The following PLPP1 variants were observed in gnomAD, a reference collection of about 807,000 sequenced individuals.
PLPP1 encodes phospholipid phosphatase 1, also known as lipid phosphate phosphohydrolase 1a.
PLPP1 carries 24 observed loss-of-function variants against 31.2 expected under a neutral mutation model. The observed-to-expected ratio is 0.77, with a 90% CI of 0.56 to 1.08. The LOEUF is 1.08. Among genes scored for constraint, PLPP1 ranks in the 50% least tolerant of loss-of-function variants. The probability of loss-of-function intolerance (pLI) is 0.00; values close to 1 mark genes in which losing one functional copy is unlikely to be tolerated. For synonymous variants in PLPP1, 146 were observed against 126.3 expected (o/e 1.16, Z -1.05); for missense variants, 319 against 342.7 (o/e 0.93, Z 0.55).
chr5:55,505,727 C>G (rs1753259858), intron 1 of PLPP1, among the ~76,000 whole-genome samples: 1 of 152,174 alleles, frequency 6.6e-6, no homozygotes, highest in Non-Finnish European at 1.5e-5. Context: ...TAAAATACCA[C>G]ATGAAAATTG....
chr5:55,523,836 C>T (rs1187865976), intron 1 of PLPP1, among the ~76,000 whole-genome samples: 1 of 152,140 alleles, frequency 6.6e-6, no homozygotes, highest in Non-Finnish European at 1.5e-5. Context: ...ATCTCAAGTC[C>T]AATACCTCTC....
chr5:55,503,064 A>G (rs1334114937), intron 1 of PLPP1, among the ~76,000 whole-genome samples: 1 of 152,194 alleles, frequency 6.6e-6, no homozygotes, highest in Non-Finnish European at 1.5e-5. Context: ...CTAACCCAAC[A>G]GTGTCTTCTT....
chr5:55,534,564 G>GTA lies in PLPP1; in HGVS notation c.58+6_58+7dup. On this transcript the variant is annotated splice_region_variant and intron_variant, in intron 1 of 5. Coordinates refer to ENST00000307259, the MANE Select transcript of PLPP1 (RefSeq NM_003711.4). The stretch of plus-strand genomic sequence containing the variant: ...ACACGCCCCTCGGACCCGGCGGCGC[G>GTA]TACGTACCCAGCAACACGCAGAGCA... 1.3e-6 allele frequency: 2 copies of GTA among 1,537,174 alleles called. No homozygotes were observed. The highest frequency in any genetic ancestry group is 2.4e-5 in the South Asian group (2 of 82,240).
Position 55,501,016 on chromosome 5 carries a change from T to A in PLPP1, c.59-25566A>T, listed in dbSNP as rs573887538. Among the ~76,000 whole-genome samples the A allele has an allele frequency of 7.9e-5, 12 of 152,316 alleles. No homozygotes were observed. The South Asian group carries it at 2.5e-3, about 32-fold the overall frequency. Reference sequence around the variant, plus strand: ...AAAGGAAAAGTCTATTTTCTTACTCTGTTAAAACACAAAGCAGGCCAGGCA... The same window carrying A: ...AAAGGAAAAGTCTATTTTCTTACTCAGTTAAAACACAAAGCAGGCCAGGCA... On this transcript the variant is annotated intron_variant, in intron 1 of 5. Coordinates refer to ENST00000307259, the MANE Select transcript of PLPP1 (RefSeq NM_003711.4).
chr5:55,498,389 CTG>C (rs1753047746), intron 1 of PLPP1, among the ~76,000 whole-genome samples: 1 of 118,530 alleles, frequency 8.4e-6, no homozygotes, highest in Non-Finnish European at 1.8e-5. Context: ...GATCGTGTCT[CTG>C]TGTACATATA....
chr5:55,449,983 A>G (rs1027937088), intron 3 of PLPP1, among the ~76,000 whole-genome samples: 1 of 152,182 alleles, frequency 6.6e-6, no homozygotes, highest in African/African-American at 2.4e-5. Flanking sequence ...AAAAAATTAT[A>G]TAGACTCATC....
chr5:55,527,261 G>A (rs1003483083), intron 1 of PLPP1, among the ~76,000 whole-genome samples: 2 of 152,172 alleles, frequency 1.3e-5, no homozygotes, highest in African/African-American at 4.8e-5. Context: ...AATGATGTCA[G>A]CATTATGGTA....
intron 1 of PLPP1, among the ~76,000 whole-genome samples, chr5:55,512,987 T>C (rs1340678975): frequency 6.6e-6 from 1 of 152,218 alleles, no homozygotes; most frequent in African/African-American, 2.4e-5. Context: ...ATTAAGTCTT[T>C]AAAGAACTTG....
At position 55,431,912 on chromosome 5, in the gene PLPP1, A is replaced by G. The variant is rs534727692; in HGVS notation, c.550-5873T>C. ...TTACAACTGATAACACAGAAATACA[A>G]AAGAACATCTATCTCCAATCATCTA... On this transcript the variant is annotated intron_variant, in intron 4 of 5. Transcript: ENST00000307259. Among the ~76,000 whole-genome samples, 4 of 152,262 alleles carry G rather than the reference A, an allele frequency of 2.6e-5. No homozygotes were observed. The South Asian group carries it at 6.2e-4, about 24-fold the overall frequency.
intron 3 of PLPP1, among the ~76,000 whole-genome samples, chr5:55,457,579 C>A (rs191309285): frequency 6.6e-6 from 1 of 152,090 alleles, no homozygotes; most frequent in East Asian, 1.9e-4. Flanking sequence ...GATTTATGTA[C>A]CTGAACCAGA....
chr5:55,498,611 T>G (rs1053915852), intron 1 of PLPP1, among the ~76,000 whole-genome samples: 3 of 151,666 alleles, frequency 2.0e-5, no homozygotes. Flanking sequence ...TAAACAATAA[T>G]CTTATGTAAC....
intron 4 of PLPP1, among the ~76,000 whole-genome samples, chr5:55,434,667 A>C (rs187208352): frequency 2.6e-5 from 4 of 152,194 alleles, no homozygotes; most frequent in Admixed American, 6.5e-5. Context: ...TACCAAGAAC[A>C]TACAATAGAG....
chr5:55,534,686 G>A lies in PLPP1; in HGVS notation c.-57C>T, dbSNP rs1366929017. On this transcript the variant is annotated 5_prime_UTR_variant, in exon 1 of 6. Coordinates refer to ENST00000307259, the MANE Select transcript of PLPP1 (RefSeq NM_003711.4). ...TGGACTGAGCTGCGGGACGGCGGCC[G>A]AGGCCCTTGATTCTCGAGCCCGGGC... 4.0e-6 allele frequency: 6 copies of A among 1,492,148 alleles called. No individual in the cohort carries two copies. The Admixed American group carries it at 6.4e-5, about 16-fold the overall frequency. 92.4% of individuals were successfully genotyped at this position (1,492,148 alleles called of 1,614,324 possible).
At chr5:55,491,231 A>T in intron 1 of PLPP1, 1 of 1,042,480 alleles carries the variant, frequency 9.6e-7, no homozygotes, top group Non-Finnish European at 1.4e-6. Context: ...CTGGAGATGG[A>T]TCTCCATTAT....
At chr5:55,520,006 T>C (rs1579982783) in intron 1 of PLPP1, among the ~76,000 whole-genome samples, 1 of 152,348 alleles carries the variant, frequency 6.6e-6, no homozygotes, top group East Asian at 1.9e-4. Context: ...AAGTTAGCTC[T>C]TGACAAGTTT....
intron 5 of PLPP1, 54 bp downstream of exon 5, chr5:55,425,804 ATTTAC>A (rs1751170824): frequency 2.2e-6 from 3 of 1,376,962 alleles, no homozygotes; most frequent in East Asian, 2.5e-5. Context: ...TTTTTTTTCT[ATTTAC>A]TTATATAAAT....
intron 1 of PLPP1, among the ~76,000 whole-genome samples, chr5:55,500,671 CT>C (rs1753122009): frequency 6.6e-6 from 1 of 151,982 alleles, no homozygotes; most frequent in Non-Finnish European, 1.5e-5. Context: ...AATCTGTACT[CT>C]AACTGAGGGG....
intron 4 of PLPP1, among the ~76,000 whole-genome samples, chr5:55,437,514 G>T: frequency 6.7e-6 from 1 of 148,708 alleles, no homozygotes. Flanking sequence ...TTTATTATCT[G>T]ACCTTTCACT....
chr5:55,490,982 C>G (rs1227094652), intron 1 of PLPP1: 1 of 1,611,816 alleles, frequency 6.2e-7, no homozygotes, highest in Admixed American at 1.7e-5. Context: ...CAAGCCAACC[C>G]CCACTAGGAT....
Sources: gnomAD v4.1 joint callset for allele counts (sites outside exome capture counted in the v4.1 genomes callset) on GRCh38, gnomAD v4.1.1 for gene constraint, MANE v1.5 for transcripts, NCBI Gene and HGNC (gene_info 2026-07-23, HGNC 2026-07-21) for gene names.